PPARGC1A: variants seen among roughly 807,000 people sequenced by gnomAD.
The protein encoded by PPARGC1A is peroxisome proliferator-activated receptor gamma coactivator 1-alpha.
Under a neutral mutation model 88.7 loss-of-function variants are expected in PPARGC1A, and 25 were observed. The ratio of observed to expected loss-of-function variants is 0.28; its 90% CI spans 0.21 to 0.39. PPARGC1A has a LOEUF of 0.39. Among genes scored for constraint, PPARGC1A ranks in the 10% least tolerant of loss-of-function variants. The probability of loss-of-function intolerance (pLI) is 1.00; values close to 1 mark genes in which losing one functional copy is unlikely to be tolerated. For missense variants in PPARGC1A, 880 were observed against 968.7 expected (o/e 0.91, Z 1.22); for synonymous variants, 363 against 355.6 (o/e 1.02, Z -0.24).
the PPARGC1A span, among the ~76,000 whole-genome samples, chr4:24,312,234 G>T: frequency 6.6e-6 from 1 of 152,154 alleles, no homozygotes; most frequent in Non-Finnish European, 1.5e-5. Flanking sequence ...CTCTGTTTCT[G>T]TGCAGTTTAC....
At chr4:24,297,857 C>G in the PPARGC1A span, among the ~76,000 whole-genome samples, 1 of 152,176 alleles carries the variant, frequency 6.6e-6, no homozygotes, top group African/African-American at 2.4e-5. Flanking sequence ...CAACTATGCT[C>G]TGGGTCAATC....
the PPARGC1A span, among the ~76,000 whole-genome samples, chr4:24,074,189 C>A: frequency 6.6e-6 from 1 of 152,106 alleles, no homozygotes; most frequent in African/African-American, 2.4e-5. Context: ...GCTTTTGCAG[C>A]CAGAAAGACG....
At chr4:23,839,102 T>C (rs1354795664) in intron 2 of PPARGC1A, among the ~76,000 whole-genome samples, 1 of 152,186 alleles carries the variant, frequency 6.6e-6, no homozygotes, top group African/African-American at 2.4e-5. Flanking sequence ...AATACACATA[T>C]TCCTATTTAA....
At chr4:24,231,834 GT>G in the PPARGC1A span, among the ~76,000 whole-genome samples, 1 of 151,858 alleles carries the variant, frequency 6.6e-6, no homozygotes, top group Non-Finnish European at 1.5e-5. Flanking sequence ...ATACAATAAA[GT>G]TGAGGTAGAG....
the PPARGC1A span, among the ~76,000 whole-genome samples, chr4:24,453,983 A>T: frequency 6.6e-6 from 1 of 152,080 alleles, no homozygotes; most frequent in African/African-American, 2.4e-5. Context: ...ATGCTTTATT[A>T]GTAACAAGCC....
intron 1 of PPARGC1A, among the ~76,000 whole-genome samples, chr4:23,885,337 A>G (rs1402351735): frequency 6.6e-6 from 1 of 152,240 alleles, no homozygotes; most frequent in Non-Finnish European, 1.5e-5. Context: ...TGGAAATTTT[A>G]TCACACATAA....
At chr4:23,986,454 C>T in the PPARGC1A span, among the ~76,000 whole-genome samples, 50 of 152,134 alleles carry the variant, frequency 3.3e-4, no homozygotes, top group Non-Finnish European at 5.3e-4. Context: ...GCAAGGATAA[C>T]GGTGTAGTAT....
At chr4:23,924,670 A>T in the PPARGC1A span, among the ~76,000 whole-genome samples, 1 of 152,178 alleles carries the variant, frequency 6.6e-6, no homozygotes, top group Non-Finnish European at 1.5e-5. Flanking sequence ...TCCAGGCAGA[A>T]GGATCTCAGA....
the PPARGC1A span, among the ~76,000 whole-genome samples, chr4:24,226,196 T>C: frequency 1.9e-4 from 29 of 152,330 alleles, no homozygotes; most frequent in Admixed American, 4.6e-4. Context: ...GTCTTAAATG[T>C]GCTCACGTTT....
chr4:24,022,384 C>G, the PPARGC1A span, among the ~76,000 whole-genome samples: 1 of 152,090 alleles, frequency 6.6e-6, no homozygotes, highest in African/African-American at 2.4e-5. Flanking sequence ...TCCCATAGCG[C>G]TCACTGCCTC....
At chr4:24,221,025 G>T in the PPARGC1A span, among the ~76,000 whole-genome samples, 1 of 152,078 alleles carries the variant, frequency 6.6e-6, no homozygotes, top group East Asian at 1.9e-4. Context: ...ACCCACAAAA[G>T]AAACTGTAAC....
the PPARGC1A span, among the ~76,000 whole-genome samples, chr4:23,930,016 G>A: frequency 6.6e-6 from 1 of 152,064 alleles, no homozygotes; most frequent in Non-Finnish European, 1.5e-5. Flanking sequence ...TAGATTTGCA[G>A]ACTCTGTTTT....
At chr4:24,147,027 A>C in the PPARGC1A span, among the ~76,000 whole-genome samples, 50 of 152,082 alleles carry the variant, frequency 3.3e-4, no homozygotes, top group Non-Finnish European at 6.6e-4. Context: ...CCCCATAAAG[A>C]CTTGCTCAGT....
intron 1 of PPARGC1A, among the ~76,000 whole-genome samples, chr4:23,885,753 G>A (rs1344503483): frequency 6.6e-6 from 1 of 152,008 alleles, no homozygotes; most frequent in Admixed American, 6.6e-5. Flanking sequence ...ACTATATTTT[G>A]TTCATTATTT....
the PPARGC1A span, among the ~76,000 whole-genome samples, chr4:24,170,114 A>C: frequency 2.0e-5 from 3 of 152,204 alleles, no homozygotes; most frequent in Non-Finnish European, 2.9e-5. Context: ...AGATAAAAGG[A>C]AGGCTTTAAA....
rs1014469016 is a variant in PPARGC1A at position 23,840,156 on chromosome 4, C to A, written c.235-8405G>T. 3.9e-5 allele frequency among the ~76,000 whole-genome samples: 6 copies of A among 152,042 alleles called. No individual in the cohort carries two copies. In the South Asian group the frequency reaches 8.3e-4, roughly 21 times the overall value. ...ATGTCTCTAAGACTAAAAGCTAAATCTTAAGAGTGCCTTACTAACCAAGGA... is the reference window on the plus strand; with the variant it reads ...ATGTCTCTAAGACTAAAAGCTAAATATTAAGAGTGCCTTACTAACCAAGGA... On this transcript the variant is annotated intron_variant, in intron 2 of 12. Transcript: ENST00000264867.
At chr4:24,237,824 T>C in the PPARGC1A span, among the ~76,000 whole-genome samples, 1 of 152,170 alleles carries the variant, frequency 6.6e-6, no homozygotes, top group Non-Finnish European at 1.5e-5. Context: ...CTGTCATTTT[T>C]CGAATGAAGA....
chr4:23,990,774 A>G, the PPARGC1A span, among the ~76,000 whole-genome samples: 20 of 152,178 alleles, frequency 1.3e-4, no homozygotes, highest in Admixed American at 1.2e-3. Context: ...TTTTTCATCA[A>G]TTTGACCTAC....
chr4:24,047,141 C>T, the PPARGC1A span, among the ~76,000 whole-genome samples: 1 of 152,176 alleles, frequency 6.6e-6, no homozygotes, highest in Non-Finnish European at 1.5e-5. Flanking sequence ...CAATGAGTGA[C>T]TAGTTTCCCA....
Sources: allele counts gnomAD v4.1 joint callset (sites outside exome capture counted in the v4.1 genomes callset), GRCh38; gene constraint gnomAD v4.1.1; transcripts MANE v1.5; gene names NCBI Gene and HGNC (gene_info 2026-07-23, HGNC 2026-07-21).